The following ELMO1 variants were observed in gnomAD, a reference collection of about 807,000 sequenced individuals.
ELMO1 encodes engulfment and cell motility protein 1.
In ELMO1, 26 loss-of-function variants were observed where a neutral mutation model predicts 98.9. That is an observed-to-expected ratio of 0.26 (90% confidence interval 0.19 to 0.36). The LOEUF (loss-of-function observed/expected upper bound fraction) is 0.36, where lower values mean the gene tolerates loss of function less well. Among genes scored for constraint, ELMO1 ranks in the 10% least tolerant of loss-of-function variants. The pLI is 1.00. For synonymous variants in ELMO1, 346 were observed against 346.0 expected, an observed-to-expected ratio of 1.00 and a Z score of 0.00; for missense variants, 627 against 935.2, an observed-to-expected ratio of 0.67 and a Z score of 4.30.
At chr7:36,885,132 T>C (rs972432905) in intron 18 of ELMO1, among the ~76,000 whole-genome samples, 2 of 152,192 alleles carry the variant, frequency 1.3e-5, no homozygotes, top group African/African-American at 2.4e-5. Flanking sequence ...TCAAATCCAT[T>C]TACCAAATAC....
rs118139795 is a variant in ELMO1 at position 36,990,368 on chromosome 7, T to C, written c.1437+22931A>G. 6.2e-3 allele frequency among the ~76,000 whole-genome samples: 944 copies of C among 152,304 alleles called. 3 individuals are homozygous for C. Among genetic ancestry groups the C allele is most frequent in the Non-Finnish European group, 0.011 (716 of 68,022 alleles). On this transcript the variant is annotated intron_variant, in intron 16 of 21. Transcript: ENST00000310758. ...AGAACTGGCATGAAGTTGTTCTGCA[T>C]ACACCTAATGGACTTGTACTCCACA...
chr7:36,986,235 T>C, intron 16 of ELMO1: 1 of 985,482 alleles, frequency 1.0e-6, no homozygotes, highest in East Asian at 1.1e-4. Flanking sequence ...AAAGGGCGCC[T>C]CCATTTCAGG....
chr7:37,091,006 A>G (rs2129248210), intron 15 of ELMO1, among the ~76,000 whole-genome samples: 1 of 152,350 alleles, frequency 6.6e-6, no homozygotes, highest in African/African-American at 2.4e-5. Context: ...TGACATCGGA[A>G]TATAATTGGG....
intron 1 of ELMO1, among the ~76,000 whole-genome samples, chr7:37,426,051 C>T (rs1804684338): frequency 6.6e-6 from 1 of 151,890 alleles, no homozygotes; most frequent in African/African-American, 2.4e-5. Flanking sequence ...CTTCCTTCAC[C>T]TCAGCTCTTT....
chr7:36,945,539 T>TA (rs1787402331), intron 16 of ELMO1, among the ~76,000 whole-genome samples: 1 of 152,210 alleles, frequency 6.6e-6, no homozygotes, highest in African/African-American at 2.4e-5. Flanking sequence ...TCAGCTTTAT[T>TA]AGAGTTATGG....
chr7:36,860,075 C>A lies in ELMO1; in HGVS notation c.1983+1584G>T, dbSNP rs1379542730. Among the ~76,000 whole-genome samples the A allele has an allele frequency of 8.5e-5, 13 of 152,200 alleles. 1 individual carries two copies. Among genetic ancestry groups the A allele is most frequent in the Admixed American group, 8.5e-4 (13 of 15,288 alleles). On this transcript the variant is annotated intron_variant, in intron 21 of 21. Coordinates refer to ENST00000310758, the MANE Select transcript of ELMO1 (RefSeq NM_014800.11). The stretch of plus-strand genomic sequence containing the variant: ...TTCCTTATGACTTTCTTAACATTTT[C>A]TTTTCCCTAGCTTACCTTATTGGAA...
At chr7:37,094,500 C>A (rs1398066808) in intron 15 of ELMO1, among the ~76,000 whole-genome samples, 2 of 152,184 alleles carry the variant, frequency 1.3e-5, no homozygotes, top group Non-Finnish European at 2.9e-5. Flanking sequence ...CATCCCCAAG[C>A]ACAAAATGAA....
intron 1 of ELMO1, among the ~76,000 whole-genome samples, chr7:37,439,671 T>C (rs1431181237): frequency 6.6e-6 from 1 of 152,240 alleles, no homozygotes; most frequent in Non-Finnish European, 1.5e-5. Context: ...GTTTTTAAAA[T>C]ATACTACAAT....
At chr7:36,884,273 T>A (rs1804727143) in intron 18 of ELMO1, among the ~76,000 whole-genome samples, 1 of 148,942 alleles carries the variant, frequency 6.7e-6, no homozygotes, top group African/African-American at 2.5e-5. Flanking sequence ...GCCGAGATCA[T>A]GCCATTGCAC....
chr7:37,379,097 T>C (rs1802483591), intron 1 of ELMO1, among the ~76,000 whole-genome samples: 1 of 152,070 alleles, frequency 6.6e-6, no homozygotes, highest in Admixed American at 6.6e-5. Context: ...TGGAGTGCAG[T>C]GGCGTGACCT....
intron 15 of ELMO1, among the ~76,000 whole-genome samples, chr7:37,019,715 G>A (rs1464471704): frequency 6.6e-6 from 1 of 152,130 alleles, no homozygotes. Flanking sequence ...CACTTTCAAT[G>A]GGACAAAAAT....
At chr7:36,991,742 AG>A (rs1467335850) in intron 16 of ELMO1, among the ~76,000 whole-genome samples, 1 of 152,200 alleles carries the variant, frequency 6.6e-6, no homozygotes, top group Non-Finnish European at 1.5e-5. Flanking sequence ...CAGGATGCTG[AG>A]CTCTCTGTGA....
chr7:37,125,904 C>T lies in ELMO1; in HGVS notation c.1191+7226G>A, dbSNP rs185794210. On this transcript the variant is annotated intron_variant, in intron 14 of 21. Coordinates refer to ENST00000310758, the MANE Select transcript of ELMO1 (RefSeq NM_014800.11). ...AAAGACTTGGAACCAAGCCAAATGTCCAACAATGATAGATTGGATTAAGAA... is the reference window on the plus strand; with the variant it reads ...AAAGACTTGGAACCAAGCCAAATGTTCAACAATGATAGATTGGATTAAGAA... Among the ~76,000 whole-genome samples, 104 of 152,220 alleles carry T rather than the reference C, an allele frequency of 6.8e-4. 1 individual carries two copies. The highest frequency in any genetic ancestry group is 1.8e-4 in the Non-Finnish European group (12 of 68,018).
rs142165563 is a variant in ELMO1 at position 37,013,407 on chromosome 7, C to T, written c.1329G>A (p.Pro443=). The T allele has an allele frequency of 5.7e-4, 914 of 1,613,902 alleles. 9 individuals are homozygous for T. The highest frequency in any genetic ancestry group is 7.8e-5 in the Non-Finnish European group (92 of 1,179,910). ...LPSETCNDFH[P]MFFTHDRSFE... ...AGGATCTGTCGTGGGTGAAGAACAT[C>T]GGGTGGAAGTCGTTGCAGGTCTCAC... The change falls in exon 16 of 22, where the codon CCG becomes CCA. Residue 443 remains proline, a synonymous_variant. Coordinates refer to ENST00000310758, the MANE Select transcript of ELMO1 (RefSeq NM_014800.11).
intron 12 of ELMO1, 87 bp from the exon 13 acceptor site, chr7:37,211,604 G>C (rs1212040691): frequency 6.6e-7 from 1 of 1,504,304 alleles, no homozygotes; most frequent in Non-Finnish European, 8.9e-7. Flanking sequence ...CTTTCCCTGG[G>C]GTCTAAATGA....
At chr7:36,954,275 T>TG (rs970745570) in intron 16 of ELMO1, among the ~76,000 whole-genome samples, 2 of 152,252 alleles carry the variant, frequency 1.3e-5, no homozygotes, top group South Asian at 2.1e-4. Flanking sequence ...AGGGAATTAA[T>TG]GGGGGTCACA....
intron 13 of ELMO1, among the ~76,000 whole-genome samples, chr7:37,162,224 G>A (rs1789272964): frequency 6.6e-6 from 1 of 151,826 alleles, no homozygotes; most frequent in Admixed American, 6.6e-5. Flanking sequence ...GGACAAGGAT[G>A]GTAACTCCAG....
At chr7:37,082,743 A>T (rs1783538128) in intron 15 of ELMO1, among the ~76,000 whole-genome samples, 1 of 151,980 alleles carries the variant, frequency 6.6e-6, no homozygotes, top group Non-Finnish European at 1.5e-5. Context: ...AAACAAACAA[A>T]CAAACAGAAA....
intron 16 of ELMO1, among the ~76,000 whole-genome samples, chr7:36,920,518 C>A (rs1785060001): frequency 6.6e-6 from 1 of 152,060 alleles, no homozygotes; most frequent in Non-Finnish European, 1.5e-5. Flanking sequence ...AAAACATAAT[C>A]TCTCACCCAA....
Sources: gnomAD v4.1 joint callset for allele counts (sites outside exome capture counted in the v4.1 genomes callset) on GRCh38, gnomAD v4.1.1 for gene constraint, MANE v1.5 for transcripts, NCBI Gene and HGNC (gene_info 2026-07-23, HGNC 2026-07-21) for gene names.